The following NAA25 variants were observed in gnomAD, a reference collection of about 807,000 sequenced individuals.
The protein encoded by NAA25 is N-terminal acetyltransferase B complex subunit NAA25.
In NAA25, 30 loss-of-function variants were observed where a neutral mutation model predicts 132.5. The observed-to-expected ratio is 0.23, with a 90% CI of 0.17 to 0.31. The LOEUF (loss-of-function observed/expected upper bound fraction) is 0.31. Ranked by LOEUF, NAA25 falls within the 10% of genes least tolerant of loss-of-function variation. The pLI is 1.00. For synonymous variants in NAA25, 359 were observed against 401.9 expected (o/e 0.89, Z 1.28); for missense variants, 771 against 1,150.4 (o/e 0.67, Z 4.77).
At chr12:112,057,747 T>C (rs1473235901) in intron 13 of NAA25, among the ~76,000 whole-genome samples, 1 of 152,146 alleles carries the variant, frequency 6.6e-6, no homozygotes, top group Admixed American at 6.5e-5. Context: ...TCCCAGCACT[T>C]TGGGAGGCCG....
At chr12:112,106,489 G>A (rs2079363167) in intron 1 of NAA25, among the ~76,000 whole-genome samples, 1 of 152,004 alleles carries the variant, frequency 6.6e-6, no homozygotes, top group Non-Finnish European at 1.5e-5. Flanking sequence ...CACCCACCTT[G>A]TATATATATC....
chr12:112,029,769 AG>A, intron 23 of NAA25, 116 bp from the exon 24 acceptor site: 1 of 1,400,934 alleles, frequency 7.1e-7, no homozygotes, highest in Non-Finnish European at 9.6e-7. Context: ...AAGCTCCATC[AG>A]AACACAGTGG....
chr12:112,030,694 A>C (rs1461842175), intron 23 of NAA25, among the ~76,000 whole-genome samples: 2 of 152,218 alleles, frequency 1.3e-5, no homozygotes, highest in African/African-American at 4.8e-5. Context: ...TGTAGAAGAA[A>C]CCGGGAACAT....
At chr12:112,089,346 C>T (rs983793163) in intron 3 of NAA25, among the ~76,000 whole-genome samples, 7 of 152,130 alleles carry the variant, frequency 4.6e-5, no homozygotes, top group Non-Finnish European at 5.9e-5. Context: ...TGTAAGCAAT[C>T]AGAACTCAAA....
At chr12:112,056,159 C>A (rs1226282454) in intron 13 of NAA25, among the ~76,000 whole-genome samples, 2 of 152,092 alleles carry the variant, frequency 1.3e-5, no homozygotes, top group Non-Finnish European at 2.9e-5. Context: ...CATGGTAAAA[C>A]CTCTTCTCTA....
At chr12:112,088,317 GTTTTTTTTTTTTTTT>G (rs1025838850) in intron 3 of NAA25, among the ~76,000 whole-genome samples, 1 of 75,582 alleles carries the variant, frequency 1.3e-5, no homozygotes. Flanking sequence ...GTATATTGTA[GTTTTTTTTTTTTTTT>G]TTTTTTTTTT....
chr12:112,053,679 A>G, intron 14 of NAA25, 22 bp from the exon 15 acceptor site: 1 of 1,500,768 alleles, frequency 6.7e-7, no homozygotes, highest in South Asian at 1.2e-5. Context: ...GGAAAGAAGG[A>G]AAAAAAAAGA....
At chr12:112,083,856 G>A (rs1317547520) in intron 4 of NAA25, among the ~76,000 whole-genome samples, 2 of 152,088 alleles carry the variant, frequency 1.3e-5, no homozygotes, top group Non-Finnish European at 2.9e-5. Flanking sequence ...GAAACATAGC[G>A]AAATCCCAAC....
At chr12:112,083,078 A>C (rs2078995905) in intron 4 of NAA25, among the ~76,000 whole-genome samples, 1 of 152,190 alleles carries the variant, frequency 6.6e-6, no homozygotes, top group South Asian at 2.1e-4. Flanking sequence ...TCTTCTAGGA[A>C]CAGTATCTCA....
intron 4 of NAA25, among the ~76,000 whole-genome samples, chr12:112,081,551 A>G (rs2078972949): frequency 6.6e-6 from 1 of 152,240 alleles, no homozygotes; most frequent in South Asian, 2.1e-4. Context: ...AAAGATTACC[A>G]TGCCATAATT....
chr12:112,086,945 T>C (rs1022237841), intron 4 of NAA25, among the ~76,000 whole-genome samples: 2 of 148,686 alleles, frequency 1.3e-5, no homozygotes, highest in Admixed American at 1.4e-4. Context: ...GAGGCAGAGG[T>C]TGCAGTGAGC....
Position 112,043,208 on chromosome 12 carries a change from G to C in NAA25, c.2254C>G (p.Pro752Ala). 6.3e-7 allele frequency: 1 copy of C among 1,579,834 alleles called. No homozygotes were observed. Among genetic ancestry groups the C allele is most frequent in the Non-Finnish European group, 8.6e-7 (1 of 1,165,396 alleles). ...KRFIEKDIQY[P>A]FLGPVPTRMG... ...CTGGTAGGTACAGGACCAAGGAAAG[G>C]ATACTGGAAAAAAGGGAGAAAAATA... The change falls in exon 19 of 24, where the codon CCT (proline) becomes GCT (alanine). Residue 752 changes from proline (P) to alanine (A), a missense_variant. This residue lies in a region of NAA25 where 324 missense variants were observed against 400.0 expected (regional missense o/e 0.81). Transcript: ENST00000261745.
rs532856392 is a variant in NAA25, at chr12:112,104,916, G to T, written c.58+3800C>A. Among the ~76,000 whole-genome samples the T allele has an allele frequency of 5.9e-5, 9 of 152,188 alleles. No individual in the cohort carries two copies. In the South Asian group the frequency reaches 1.9e-3, roughly 32 times the overall value. ...TGCCTGTAACCCAGCTACTCAGGAG[G>T]CTGAGGCAGAGAACTGTTTGAACCC... On this transcript the variant is annotated intron_variant, in intron 1 of 23. Coordinates refer to ENST00000261745, the MANE Select transcript of NAA25 (RefSeq NM_024953.4).
At chr12:112,050,332 A>C (rs1395334298) in intron 15 of NAA25, among the ~76,000 whole-genome samples, 1 of 152,170 alleles carries the variant, frequency 6.6e-6, no homozygotes, top group Non-Finnish European at 1.5e-5. Flanking sequence ...AGACTTTTGA[A>C]TATCAAAGTA....
intron 1 of NAA25, among the ~76,000 whole-genome samples, chr12:112,099,944 AAATAG>A (rs1342573549): frequency 6.6e-6 from 1 of 152,212 alleles, no homozygotes; most frequent in East Asian, 1.9e-4. Flanking sequence ...TAAAAACGCT[AAATAG>A]AAGAGAGCTC....
intron 1 of NAA25, among the ~76,000 whole-genome samples, chr12:112,100,795 ATT>A (rs2079284272): frequency 6.6e-6 from 1 of 150,662 alleles, no homozygotes; most frequent in African/African-American, 2.4e-5. Context: ...AATTTTTTGT[ATT>A]TTTAGTGGAG....
At chr12:112,088,706 T>C (rs1167798481) in intron 3 of NAA25, among the ~76,000 whole-genome samples, 1 of 151,690 alleles carries the variant, frequency 6.6e-6, no homozygotes, top group Non-Finnish European at 1.5e-5. Context: ...CTGAAACCTC[T>C]GCCTCCTGGG....
At chr12:112,033,821 A>T (rs909596539) in intron 22 of NAA25, 1 of 152,424 alleles carries the variant, frequency 6.6e-6, no homozygotes, top group Non-Finnish European at 1.5e-5. Flanking sequence ...ATGACAGGGG[A>T]TTAGTAACAT....
At chr12:112,044,369 C>T (rs999393298) in intron 17 of NAA25, among the ~76,000 whole-genome samples, 1 of 152,030 alleles carries the variant, frequency 6.6e-6, no homozygotes. Flanking sequence ...GAATGATAAC[C>T]TATTTAACAG....
Sources: allele counts gnomAD v4.1 joint callset (sites outside exome capture counted in the v4.1 genomes callset), GRCh38; gene constraint gnomAD v4.1.1; regional missense constraint gnomAD v4.1.1; transcripts MANE v1.5; gene names NCBI Gene and HGNC (gene_info 2026-07-23, HGNC 2026-07-21).